PRKCA: variants seen among roughly 807,000 people sequenced by gnomAD.
PRKCA encodes the protein protein kinase C alpha type.
In PRKCA, 27 loss-of-function variants were observed where a neutral mutation model predicts 87.0. The observed-to-expected ratio is 0.31, with a 90% CI of 0.23 to 0.43. The LOEUF (loss-of-function observed/expected upper bound fraction) is 0.43. Ranked by LOEUF, PRKCA falls within the 20% of genes least tolerant of loss-of-function variation. The probability of loss-of-function intolerance (pLI) is 1.00; values close to 1 mark genes in which losing one functional copy is unlikely to be tolerated. For synonymous variants in PRKCA, 329 were observed against 311.1 expected, an observed-to-expected ratio of 1.06 and a Z score of -0.61; for missense variants, 518 against 852.3, an observed-to-expected ratio of 0.61 and a Z score of 4.88.
intron 6 of PRKCA, 129 bp downstream of exon 6, chr17:66,687,396 A>G (rs1598874123): frequency 1.0e-6 from 1 of 960,722 alleles, no homozygotes; most frequent in Non-Finnish European, 1.5e-6. Flanking sequence ...AGACCTCCTC[A>G]GGCTGCCATT....
At chr17:66,308,558 T>C (rs560510671) in intron 2 of PRKCA, among the ~76,000 whole-genome samples, 1 of 152,312 alleles carries the variant, frequency 6.6e-6, no homozygotes, top group Admixed American at 6.5e-5. Context: ...CAGATCTCTT[T>C]AAATAATGAA....
At chr17:66,429,676 A>G (rs1598664452) in intron 2 of PRKCA, among the ~76,000 whole-genome samples, 3 of 152,090 alleles carry the variant, frequency 2.0e-5, no homozygotes, top group East Asian at 3.9e-4. Flanking sequence ...GCTACCGCCT[A>G]TCTGGTTCCT....
intron 8 of PRKCA, among the ~76,000 whole-genome samples, chr17:66,710,873 A>G (rs538198065): frequency 1.3e-5 from 2 of 148,300 alleles, no homozygotes; most frequent in Non-Finnish European, 3.0e-5. Flanking sequence ...CTACCAAAAA[A>G]CAAAAAAAAA....
intron 5 of PRKCA, among the ~76,000 whole-genome samples, chr17:66,663,505 G>A (rs954620775): frequency 2.6e-5 from 4 of 152,190 alleles, no homozygotes; most frequent in African/African-American, 9.7e-5. Context: ...GGCTGGAGGG[G>A]CCATCCGCTG....
chr17:66,675,200 A>T (rs73997133), intron 5 of PRKCA, among the ~76,000 whole-genome samples: 5,482 of 152,246 alleles, frequency 0.036, 349 homozygotes, highest in African/African-American at 0.12. Flanking sequence ...GTGGCTAGAG[A>T]GGGCCCATTT....
chr17:66,331,651 G>A (rs1425472313), intron 2 of PRKCA, among the ~76,000 whole-genome samples: 2 of 152,120 alleles, frequency 1.3e-5, no homozygotes, highest in Non-Finnish European at 2.9e-5. Flanking sequence ...CATTGCTTCA[G>A]CTCAAAAACA....
chr17:66,749,050 G>A (rs1974368518), intron 13 of PRKCA, among the ~76,000 whole-genome samples: 2 of 149,306 alleles, frequency 1.3e-5, no homozygotes, highest in South Asian at 4.4e-4. Context: ...CCCCTCCCTG[G>A]CCAGTCTGCA....
intron 2 of PRKCA, among the ~76,000 whole-genome samples, chr17:66,342,918 C>G (rs1487494402): frequency 6.6e-6 from 1 of 152,046 alleles, no homozygotes; most frequent in Non-Finnish European, 1.5e-5. Context: ...AGAAAGATGG[C>G]TAGAATGGTT....
intron 3 of PRKCA, among the ~76,000 whole-genome samples, chr17:66,513,836 G>C (rs1966879964): frequency 6.6e-6 from 1 of 152,110 alleles, no homozygotes; most frequent in Admixed American, 6.5e-5. Context: ...TTAGTGTAGG[G>C]GAACAGGAAG....
intron 3 of PRKCA, among the ~76,000 whole-genome samples, chr17:66,537,661 T>C (rs1213716965): frequency 2.6e-5 from 4 of 152,216 alleles, no homozygotes; most frequent in Non-Finnish European, 5.9e-5. Flanking sequence ...ATCTCATCTT[T>C]GCAGTAGAAA....
chr17:66,697,933 C>G (rs1050696378), intron 8 of PRKCA, among the ~76,000 whole-genome samples: 11 of 152,096 alleles, frequency 7.2e-5, no homozygotes, highest in African/African-American at 2.7e-4. Flanking sequence ...CTAGGGAAAA[C>G]AAACAGGAGG....
intron 10 of PRKCA, among the ~76,000 whole-genome samples, chr17:66,737,942 C>T (rs9910811): frequency 0.14 from 21,563 of 152,194 alleles, 1,868 homozygotes; most frequent in East Asian, 0.29. Flanking sequence ...TTAGCACCAG[C>T]TTCATCATTT....
chr17:66,604,813 T>G (rs772383292), intron 3 of PRKCA, among the ~76,000 whole-genome samples: 1 of 152,202 alleles, frequency 6.6e-6, no homozygotes, highest in African/African-American at 2.4e-5. Flanking sequence ...TTTTTACAAT[T>G]ATGATTGCAC....
At chr17:66,549,717 A>G (rs976547308) in intron 3 of PRKCA, among the ~76,000 whole-genome samples, 6 of 150,748 alleles carry the variant, frequency 4.0e-5, no homozygotes, top group Non-Finnish European at 5.9e-5. Flanking sequence ...AGAGAGGAGT[A>G]AAAAAAGACA....
intron 2 of PRKCA, among the ~76,000 whole-genome samples, chr17:66,396,899 A>C (rs1257999487): frequency 6.7e-6 from 1 of 150,250 alleles, no homozygotes; most frequent in African/African-American, 2.4e-5. Flanking sequence ...ATTTATATGA[A>C]TATCTAATTA....
At chr17:66,774,379 C>G in intron 14 of PRKCA, 3 of 1,144,798 alleles carry the variant, frequency 2.6e-6, no homozygotes, top group South Asian at 2.3e-5. Context: ...CCAGCACTTT[C>G]AGAAGCCAAG....
At chr17:66,345,187 T>C (rs530489634) in intron 2 of PRKCA, among the ~76,000 whole-genome samples, 1 of 152,304 alleles carries the variant, frequency 6.6e-6, no homozygotes, top group African/African-American at 2.4e-5. Context: ...TACACAGGAT[T>C]ACAGAATTGT....
intron 11 of PRKCA, among the ~76,000 whole-genome samples, chr17:66,741,021 T>C (rs904124011): frequency 6.6e-6 from 1 of 152,230 alleles, no homozygotes; most frequent in Non-Finnish European, 1.5e-5. Flanking sequence ...GGCACAGTCT[T>C]GTGGCTTCTT....
At chr17:66,450,131 G>A (rs147231784) in intron 2 of PRKCA, among the ~76,000 whole-genome samples, 16 of 152,112 alleles carry the variant, frequency 1.1e-4, no homozygotes, top group African/African-American at 2.4e-4. Context: ...TGACAAGATC[G>A]TTAACTCATA....
Sources: gnomAD v4.1 joint callset for allele counts (sites outside exome capture counted in the v4.1 genomes callset) on GRCh38, gnomAD v4.1.1 for gene constraint, MANE v1.5 for transcripts, NCBI Gene and HGNC (gene_info 2026-07-23, HGNC 2026-07-21) for gene names.